DGKB: variants seen among roughly 807,000 people sequenced by gnomAD.
The protein encoded by DGKB is 90 kDa diacylglycerol kinase.
In DGKB, 67 loss-of-function variants were observed where a neutral mutation model predicts 114.3. The observed-to-expected ratio is 0.59, with a 90% CI of 0.48 to 0.72. The LOEUF (loss-of-function observed/expected upper bound fraction) is 0.72. DGKB is among the 30% of genes least tolerant of loss of function. DGKB has a pLI of 0.00. For missense variants in DGKB, 907 were observed against 975.2 expected (o/e 0.93, Z 0.93); for synonymous variants, 398 against 323.1 (o/e 1.23, Z -2.49).
At chr7:14,447,656 C>G (rs1830909187) in intron 21 of DGKB, among the ~76,000 whole-genome samples, 1 of 152,042 alleles carries the variant, frequency 6.6e-6, no homozygotes. Flanking sequence ...AAAAGTAGAG[C>G]TAGGAACATG....
In DGKB at chr7:14,379,322, C is replaced by T. The variant is rs191892478; in HGVS notation, c.1836-33931G>A. Reference sequence around the variant, plus strand: ...TACAAAATCATTTTTGTTGAACCAACTTTCCAGTTCACGCACCACTGCTAC... The same window carrying T: ...TACAAAATCATTTTTGTTGAACCAATTTTCCAGTTCACGCACCACTGCTAC... On this transcript the variant is annotated intron_variant, in intron 21 of 25. Coordinates refer to ENST00000402815, the MANE Select transcript of DGKB (RefSeq NM_001350709.2). 7.0e-3 allele frequency among the ~76,000 whole-genome samples: 1,070 copies of T among 151,990 alleles called. 12 individuals carry two copies. Among genetic ancestry groups the T allele is most frequent in the Non-Finnish European group, 6.4e-3 (432 of 68,008 alleles).
At chr7:14,878,028 T>A (rs217569) in intron 1 of DGKB, among the ~76,000 whole-genome samples, 143,215 of 151,504 alleles carry the variant, frequency 0.95, 68,070 homozygotes, top group Non-Finnish European at 1. Context: ...AATTCATCGA[T>A]CTTATGGTGA....
intron 2 of DGKB, among the ~76,000 whole-genome samples, chr7:14,840,769 A>G (rs1847829155): frequency 6.7e-6 from 1 of 148,934 alleles, no homozygotes; most frequent in African/African-American, 2.5e-5. Context: ...CTCCCTCTTG[A>G]TATCTATGAG....
chr7:14,641,712 C>T (rs1811839694), intron 13 of DGKB, among the ~76,000 whole-genome samples: 1 of 152,072 alleles, frequency 6.6e-6, no homozygotes, highest in Non-Finnish European at 1.5e-5. Context: ...CTTTCTATCA[C>T]ATCTTTACAA....
intron 22 of DGKB, among the ~76,000 whole-genome samples, chr7:14,338,959 G>A (rs1275257662): frequency 6.6e-6 from 1 of 151,938 alleles, no homozygotes; most frequent in Non-Finnish European, 1.5e-5. Context: ...GTATATCTTT[G>A]TTTGTAGAAA....
chr7:14,899,192 G>A (rs1782585470), intron 1 of DGKB, among the ~76,000 whole-genome samples: 1 of 152,060 alleles, frequency 6.6e-6, no homozygotes, highest in Non-Finnish European at 1.5e-5. Context: ...AGTTAAAGAT[G>A]GCTTTTGCTT....
intron 21 of DGKB, among the ~76,000 whole-genome samples, chr7:14,414,310 G>C (rs914662246): frequency 2.0e-5 from 3 of 152,068 alleles, no homozygotes; most frequent in Admixed American, 6.5e-5. Context: ...CAGGCTCTGG[G>C]AAGATTTTAA....
In DGKB at chr7:14,918,692, T is replaced by A. The variant is rs566456813; in HGVS notation, c.-188+56004A>T. 3.3e-5 allele frequency among the ~76,000 whole-genome samples: 5 copies of A among 152,268 alleles called. No homozygotes were observed. In the East Asian group the frequency reaches 9.7e-4, roughly 29 times the overall value. Reference sequence around the variant, plus strand: ...TTTGATGTCAATATTGATCTATATGTCAACTTGATCTATGGAATCAATGCA... The same window carrying A: ...TTTGATGTCAATATTGATCTATATGACAACTTGATCTATGGAATCAATGCA... On this transcript the variant is annotated intron_variant, in intron 1 of 4. Coordinates refer to the DGKB transcript ENST00000437998.
At chr7:14,621,572 G>A in intron 14 of DGKB, 78 bp from the exon 15 acceptor site, 1 of 854,486 alleles carries the variant, frequency 1.2e-6, no homozygotes, top group Non-Finnish European at 1.8e-6. Flanking sequence ...TTTACTAATA[G>A]AAGAGTTTCA....
chr7:14,697,110 G>T lies in DGKB; in HGVS notation c.591+985C>A, dbSNP rs995170042. Among the ~76,000 whole-genome samples, 10 of 152,038 alleles carry T rather than the reference G, an allele frequency of 6.6e-5. No individual in the cohort carries two copies. The South Asian group carries it at 2.1e-3, about 32-fold the overall frequency. On this transcript the variant is annotated intron_variant, in intron 8 of 25. Coordinates refer to ENST00000402815, the MANE Select transcript of DGKB (RefSeq NM_001350709.2). ...AAATATTTTTTGTGGCCAAAGTTAT[G>T]GTTTCAAGTCAAGTATATTTTAATA...
chr7:14,760,477 G>C (rs542630891), intron 2 of DGKB, among the ~76,000 whole-genome samples: 1 of 152,190 alleles, frequency 6.6e-6, no homozygotes, highest in South Asian at 2.1e-4. Flanking sequence ...ATCAAAAAGA[G>C]ACATGAAGCT....
intron 14 of DGKB, among the ~76,000 whole-genome samples, chr7:14,625,858 T>A (rs1461137759): frequency 6.6e-6 from 1 of 152,212 alleles, no homozygotes; most frequent in Non-Finnish European, 1.5e-5. Flanking sequence ...TTGAGCATTT[T>A]CAAATATCAA....
At chr7:14,568,619 T>C (rs1228349576) in intron 20 of DGKB, among the ~76,000 whole-genome samples, 1 of 152,196 alleles carries the variant, frequency 6.6e-6, no homozygotes, top group African/African-American at 2.4e-5. Context: ...TTTTAACCTA[T>C]CCTGACCTGT....
chr7:14,943,068 G>A (rs1785660910), intron 1 of DGKB, among the ~76,000 whole-genome samples: 1 of 151,698 alleles, frequency 6.6e-6, no homozygotes, highest in African/African-American at 2.4e-5. Context: ...TTGTATGACT[G>A]ATTGACTTAC....
At chr7:14,666,643 GA>G (rs904790209) in intron 13 of DGKB, among the ~76,000 whole-genome samples, 2 of 151,836 alleles carry the variant, frequency 1.3e-5, no homozygotes, top group African/African-American at 4.8e-5. Flanking sequence ...GATGAGTTGG[GA>G]TTCATCCTAC....
chr7:14,292,227 G>T (rs781623682), intron 23 of DGKB, among the ~76,000 whole-genome samples: 1 of 152,016 alleles, frequency 6.6e-6, no homozygotes, highest in Non-Finnish European at 1.5e-5. Flanking sequence ...TCATTTACGC[G>T]TTTTCATCTA....
At chr7:14,462,316 G>C (rs542749440) in intron 21 of DGKB, among the ~76,000 whole-genome samples, 5 of 152,236 alleles carry the variant, frequency 3.3e-5, no homozygotes, top group African/African-American at 9.6e-5. Flanking sequence ...AAGTCAAATT[G>C]TCTCTGTTTG....
At chr7:14,218,236 G>A (rs940024407) in intron 23 of DGKB, among the ~76,000 whole-genome samples, 1 of 152,146 alleles carries the variant, frequency 6.6e-6, no homozygotes, top group Admixed American at 6.6e-5. Flanking sequence ...AAGAAATGGA[G>A]AAGGAATTTG....
intron 21 of DGKB, among the ~76,000 whole-genome samples, chr7:14,456,187 T>C (rs1346524639): frequency 1.3e-5 from 2 of 152,074 alleles, no homozygotes; most frequent in Non-Finnish European, 2.9e-5. Context: ...TAAGTGAGTT[T>C]TGTGTTTTGT....
Sources: allele counts gnomAD v4.1 joint callset (sites outside exome capture counted in the v4.1 genomes callset), GRCh38; gene constraint gnomAD v4.1.1; transcripts MANE v1.5; gene names NCBI Gene and HGNC (gene_info 2026-07-23, HGNC 2026-07-21).